The following C1GALT1 variants were observed in gnomAD, a reference collection of about 807,000 sequenced individuals.
C1GALT1 encodes the protein core 1 synthase, glycoprotein-N-acetylgalactosamine 3-beta-galactosyltransferase 1.
A neutral mutation model predicts 31.0 loss-of-function variants in C1GALT1; 11 were observed. The ratio of observed to expected loss-of-function variants is 0.36; its 90% CI spans 0.22 to 0.59. The LOEUF is 0.59. Among genes scored for constraint, C1GALT1 ranks in the 20% least tolerant of loss-of-function variants. The pLI, the probability that C1GALT1 is intolerant of heterozygous loss-of-function variation, is 0.79. For synonymous variants in C1GALT1, 175 were observed against 143.6 expected (o/e 1.22, Z -1.56); for missense variants, 424 against 425.2 (o/e 1.00, Z 0.03).
chr7:7,184,436 AAGACT>A (rs1780728300), intron 1 of C1GALT1, among the ~76,000 whole-genome samples: 2 of 152,164 alleles, frequency 1.3e-5, no homozygotes, highest in Admixed American at 1.3e-4. Context: ...TATGCTTTTT[AAGACT>A]AGACTACGTT....
At chr7:7,208,809 C>G (rs1179932684) in intron 1 of C1GALT1, among the ~76,000 whole-genome samples, 1 of 152,210 alleles carries the variant, frequency 6.6e-6, no homozygotes, top group East Asian at 1.9e-4. Flanking sequence ...AACACGTGCA[C>G]AGTTGCCTGC....
upstream of C1GALT1, among the ~76,000 whole-genome samples, chr7:7,179,762 C>G (rs912250059): frequency 6.7e-6 from 1 of 150,036 alleles, no homozygotes; most frequent in African/African-American, 2.5e-5. Flanking sequence ...CTAGGCACCT[C>G]TGGTGTCCTA....
chr7:7,195,558 T>A (rs538774374), intron 1 of C1GALT1, among the ~76,000 whole-genome samples: 78 of 152,346 alleles, frequency 5.1e-4, no homozygotes, highest in Admixed American at 9.8e-4. Context: ...ATTTTGATTT[T>A]CTTAAATTTG....
chr7:7,248,384 C>G lies in C1GALT1; in HGVS notation c.*4657C>G, dbSNP rs1217227361. ...AGTATATTATTAGAGGGAAACTAAT[C>G]TTACTGCTAAGCAGTGTGTTGTACT... On this transcript the variant is annotated 3_prime_UTR_variant, in exon 4 of 4. Transcript: ENST00000436587. 2 of 151,974 alleles carry G rather than the reference C, an allele frequency of 1.3e-5. No individual in the cohort carries two copies. The highest frequency in any genetic ancestry group is 2.4e-5 in the African/African-American group (1 of 41,422). 9.4% of individuals were successfully genotyped at this position (151,974 alleles called of 1,614,324 possible).
At chr7:7,208,004 C>T (rs533772826) in intron 1 of C1GALT1, among the ~76,000 whole-genome samples, 2 of 152,230 alleles carry the variant, frequency 1.3e-5, no homozygotes, top group African/African-American at 4.8e-5. Context: ...ATAAACAGTT[C>T]ATAAGTTTTA....
In C1GALT1 at chr7:7,243,814, C is replaced by A; in HGVS notation, c.*87C>A. On this transcript the variant is annotated 3_prime_UTR_variant, in exon 4 of 4. Coordinates refer to ENST00000436587, the MANE Select transcript of C1GALT1 (RefSeq NM_020156.5). Reference sequence around the variant, plus strand: ...ATTTCTGACATAGAACACTGGAATCCCAGTGAGGAATTCTAAGTGAACATT... The same window carrying A: ...ATTTCTGACATAGAACACTGGAATCACAGTGAGGAATTCTAAGTGAACATT... 1.0e-6 allele frequency: 1 copy of A among 967,298 alleles called. No individual in the cohort carries two copies. The highest frequency in any genetic ancestry group is 1.5e-6 in the Non-Finnish European group (1 of 662,320). 59.9% of individuals were successfully genotyped at this position (967,298 alleles called of 1,614,324 possible).
chr7:7,199,986 CTT>C (rs1174098262), intron 1 of C1GALT1, among the ~76,000 whole-genome samples: 2 of 152,172 alleles, frequency 1.3e-5, no homozygotes, highest in African/African-American at 4.8e-5. Flanking sequence ...GGTCTTGACT[CTT>C]TATCCAGTTT....
Position 7,238,710 on chromosome 7 carries a change from G to T in C1GALT1, c.676G>T (p.Ala226Ser), listed in dbSNP as rs1783481794. The T allele has an allele frequency of 6.2e-7, 1 of 1,613,898 alleles. No individual in the cohort carries two copies. Among genetic ancestry groups the T allele is most frequent in the African/African-American group, 1.3e-5 (1 of 74,922 alleles). Residue 226 changes from alanine (A) to serine (S), a missense_variant, in exon 3 of 4, where the codon GCA becomes TCA. By Grantham distance (99) the Ala-to-Ser change is moderately conservative. Around this residue, in one of 3 missense-constraint regions of C1GALT1, gnomAD observed 191 missense variants for 188.8 expected, o/e 1.01. Coordinates refer to ENST00000436587, the MANE Select transcript of C1GALT1 (RefSeq NM_020156.5). The surrounding 1 kb of genome is among the most constrained non-coding windows in gnomAD (Gnocchi z 5.2). Reference sequence around the variant, plus strand: ...AGAAGCCTTGAAAAGATTTGTTGATGCATTTAAAACAGACAAGTGTACACA... The same window carrying T: ...AGAAGCCTTGAAAAGATTTGTTGATTCATTTAAAACAGACAAGTGTACACA... ...SKEALKRFVD[A>S]FKTDKCTHSS...
chr7:7,215,635 T>C (rs1782202511), intron 1 of C1GALT1, among the ~76,000 whole-genome samples: 1 of 152,172 alleles, frequency 6.6e-6, no homozygotes, highest in South Asian at 2.1e-4. Flanking sequence ...AAGTATTGCC[T>C]CTCTTCCTAT....
chr7:7,235,631 A>T (rs930873383), intron 2 of C1GALT1, among the ~76,000 whole-genome samples: 1 of 152,186 alleles, frequency 6.6e-6, no homozygotes, highest in African/African-American at 2.4e-5. Flanking sequence ...TATTAGATAC[A>T]TACTTGTCCA....
chr7:7,192,721 A>G (rs1781128672), intron 1 of C1GALT1, among the ~76,000 whole-genome samples: 1 of 152,122 alleles, frequency 6.6e-6, no homozygotes, highest in Non-Finnish European at 1.5e-5. Flanking sequence ...TTCCTTAAGG[A>G]ATCTCCACAC....
intron 1 of C1GALT1, among the ~76,000 whole-genome samples, chr7:7,185,649 C>T (rs1406496003): frequency 3.9e-5 from 6 of 152,188 alleles, no homozygotes; most frequent in Admixed American, 1.3e-4. Context: ...TGGTGTGCTC[C>T]ACTTCTTGCA....
chr7:7,239,018 C>T (rs1356077048), intron 3 of C1GALT1, 96 bp downstream of exon 3: 1 of 955,422 alleles, frequency 1.0e-6, no homozygotes, highest in Non-Finnish European at 1.5e-6. Context: ...TTAGTACCAA[C>T]AACAAGGACT....
intron 1 of C1GALT1, among the ~76,000 whole-genome samples, chr7:7,188,310 C>G (rs1002293184): frequency 1.3e-5 from 2 of 151,970 alleles, no homozygotes; most frequent in African/African-American, 4.8e-5. Flanking sequence ...GTAAAATGAG[C>G]AGAGGAAAGT....
chr7:7,184,139 C>T (rs932379501), intron 1 of C1GALT1, among the ~76,000 whole-genome samples: 2 of 152,218 alleles, frequency 1.3e-5, no homozygotes, highest in African/African-American at 4.8e-5. Flanking sequence ...ATATAGTACA[C>T]TATACTTTCT....
chr7:7,198,680 C>A (rs1781404508), intron 1 of C1GALT1, among the ~76,000 whole-genome samples: 1 of 151,858 alleles, frequency 6.6e-6, no homozygotes, highest in Non-Finnish European at 1.5e-5. Context: ...TTTTTTGGTT[C>A]ATAGGCTATT....
At chr7:7,198,450 G>A (rs906586278) in intron 1 of C1GALT1, among the ~76,000 whole-genome samples, 2 of 152,156 alleles carry the variant, frequency 1.3e-5, no homozygotes, top group Non-Finnish European at 2.9e-5. Flanking sequence ...TTTTATTGAG[G>A]ATTTTCACAT....
intron 1 of C1GALT1, among the ~76,000 whole-genome samples, chr7:7,218,425 G>A (rs191007502): frequency 6.6e-6 from 1 of 152,300 alleles, no homozygotes; most frequent in East Asian, 1.9e-4. Flanking sequence ...GTTGTTTGCA[G>A]ATAGTAGTAA....
chr7:7,213,466 T>G (rs566642027), intron 1 of C1GALT1, among the ~76,000 whole-genome samples: 1 of 152,346 alleles, frequency 6.6e-6, no homozygotes, highest in Non-Finnish European at 1.5e-5. Context: ...TTGGACATCA[T>G]TTTGGCAATC....
Sources: gnomAD v4.1 joint callset for allele counts (sites outside exome capture counted in the v4.1 genomes callset) on GRCh38, gnomAD v4.1.1 for gene constraint, gnomAD v4.1.1 regional missense constraint, Gnocchi (gnomAD v3.1) non-coding constraint, MANE v1.5 for transcripts, NCBI Gene and HGNC (gene_info 2026-07-23, HGNC 2026-07-21) for gene names.